The following DENND5B variants were observed in gnomAD, a reference collection of about 807,000 sequenced individuals.
The protein encoded by DENND5B is DENN domain containing 5B, also known as DENN domain-containing protein 5B.
Under a neutral mutation model 140.6 loss-of-function variants are expected in DENND5B, and 34 were observed. The ratio of observed to expected loss-of-function variants is 0.24; its 90% CI spans 0.18 to 0.32. The LOEUF is 0.32. Among genes scored for constraint, DENND5B ranks in the 10% least tolerant of loss-of-function variants. The pLI is 1.00. For missense variants in DENND5B, 1,142 were observed against 1,560.2 expected (o/e 0.73, Z 4.52); for synonymous variants, 551 against 562.1 (o/e 0.98, Z 0.28).
intron 1 of DENND5B, among the ~76,000 whole-genome samples, chr12:31,538,505 T>G (rs551692603): frequency 6.6e-6 from 1 of 152,092 alleles, no homozygotes; most frequent in Non-Finnish European, 1.5e-5. Flanking sequence ...AATAAACAAC[T>G]ATTTAATGAT....
intron 2 of DENND5B, among the ~76,000 whole-genome samples, chr12:31,486,228 G>A (rs1443863972): frequency 6.6e-6 from 1 of 152,176 alleles, no homozygotes; most frequent in Non-Finnish European, 1.5e-5. Flanking sequence ...ATAAAAGGTT[G>A]AAGGGAGCAG....
chr12:31,394,103 T>G (rs1941304143), intron 17 of DENND5B, among the ~76,000 whole-genome samples: 1 of 152,222 alleles, frequency 6.6e-6, no homozygotes. Flanking sequence ...TTGTTCCTAG[T>G]GGTTTCTTTA....
intron 8 of DENND5B, among the ~76,000 whole-genome samples, chr12:31,429,237 G>C (rs1401043986): frequency 6.6e-6 from 1 of 152,038 alleles, no homozygotes; most frequent in Non-Finnish European, 1.5e-5. Context: ...TCAAACTCCT[G>C]ACCTCGTGAT....
chr12:31,550,533 ATG>A (rs879582413), intron 1 of DENND5B, among the ~76,000 whole-genome samples: 33 of 152,056 alleles, frequency 2.2e-4, no homozygotes, highest in Non-Finnish European at 4.1e-4. Flanking sequence ...ATACGTGTGC[ATG>A]TGTCTTTATA....
At chr12:31,393,097 T>C (rs914864512) in intron 17 of DENND5B, among the ~76,000 whole-genome samples, 1 of 152,116 alleles carries the variant, frequency 6.6e-6, no homozygotes, top group African/African-American at 2.4e-5. Context: ...AGAAGCAAGG[T>C]TGAGAAGTCC....
At chr12:31,545,400 C>T (rs1948822324) in intron 1 of DENND5B, among the ~76,000 whole-genome samples, 1 of 152,108 alleles carries the variant, frequency 6.6e-6, no homozygotes, top group African/African-American at 2.4e-5. Context: ...TCTCCTCCAT[C>T]TAATAGTCCC....
At chr12:31,587,603 A>T (rs1482348801) in intron 1 of DENND5B, among the ~76,000 whole-genome samples, 1 of 127,226 alleles carries the variant, frequency 7.9e-6, no homozygotes, top group Non-Finnish European at 1.5e-5. Flanking sequence ...GCTGGAGTGC[A>T]GTGGCACGAT....
chr12:31,500,624 G>C (rs1429194927), intron 1 of DENND5B: 1 of 174,994 alleles, frequency 5.7e-6, no homozygotes. Context: ...AGGTTGTAGT[G>C]ATCTGAGATC....
At chr12:31,502,844 A>G (rs1947064134) in intron 1 of DENND5B, among the ~76,000 whole-genome samples, 1 of 152,204 alleles carries the variant, frequency 6.6e-6, no homozygotes, top group Admixed American at 6.5e-5. Context: ...TGCCTACAGA[A>G]CTGAACTAGA....
chr12:31,456,222 T>TG (rs1944769097), intron 4 of DENND5B, among the ~76,000 whole-genome samples: 1 of 150,392 alleles, frequency 6.6e-6, no homozygotes, highest in Non-Finnish European at 1.5e-5. Flanking sequence ...CCCAGCTATT[T>TG]GGGAAGTTGA....
intron 14 of DENND5B, among the ~76,000 whole-genome samples, chr12:31,404,739 C>A (rs1415880900): frequency 1.4e-5 from 2 of 144,854 alleles, no homozygotes; most frequent in African/African-American, 5.1e-5. Context: ...CAGGCATAAG[C>A]CACCGCGTCC....
intron 1 of DENND5B, among the ~76,000 whole-genome samples, chr12:31,525,340 G>A (rs954540787): frequency 6.6e-6 from 1 of 152,126 alleles, no homozygotes; most frequent in Non-Finnish European, 1.5e-5. Flanking sequence ...CTATAAAATA[G>A]AATATCTGGC....
At chr12:31,506,488 T>C (rs1452043109) in intron 1 of DENND5B, 1 of 152,142 alleles carries the variant, frequency 6.6e-6, no homozygotes, top group Non-Finnish European at 1.5e-5. Context: ...CTCAACTGAG[T>C]GTACTGCAAT....
intron 5 of DENND5B, among the ~76,000 whole-genome samples, chr12:31,449,990 CAA>C (rs2138095829): frequency 6.6e-6 from 1 of 152,236 alleles, no homozygotes; most frequent in African/African-American, 2.4e-5. Context: ...CTCAGCCTCC[CAA>C]AGTGTTGGGA....
Position 31,590,948 on chromosome 12 carries a change from C to T in DENND5B, c.-116G>A, listed in dbSNP as rs1055205029. ...CGCCCGCCCTAGGGCGACACTGGCG[C>T]GCCCATGGCCGCGCAGCCGCCTCTC... is the stretch of plus-strand genomic sequence containing the variant. On this transcript the variant is annotated 5_prime_UTR_variant, in exon 1 of 21. Transcript: ENST00000389082. 138 of 1,076,178 alleles carry T rather than the reference C, an allele frequency of 1.3e-4. 1 individual carries two copies. The Middle Eastern group carries it at 2.4e-3, about 18-fold the overall frequency. 66.7% of individuals were successfully genotyped at this position (1,076,178 alleles called of 1,614,324 possible). A position where few individuals can be genotyped will look rare whatever the true frequency, so the allele number is the denominator to read the frequency against.
At chr12:31,405,354 C>G (rs1037558459) in intron 14 of DENND5B, among the ~76,000 whole-genome samples, 1 of 151,776 alleles carries the variant, frequency 6.6e-6, no homozygotes, top group African/African-American at 2.4e-5. Context: ...GTAGCTGGGA[C>G]CAGAGGTGTG....
At chr12:31,408,182 T>A (rs1254412876) in intron 14 of DENND5B, among the ~76,000 whole-genome samples, 1 of 150,700 alleles carries the variant, frequency 6.6e-6, no homozygotes, top group Admixed American at 6.6e-5. Context: ...TATATACAGA[T>A]GTGTGATTTG....
chr12:31,438,100 C>T (rs146677625), intron 7 of DENND5B, among the ~76,000 whole-genome samples: 3,115 of 152,212 alleles, frequency 0.02, 58 homozygotes, highest in South Asian at 0.054. Flanking sequence ...CTCAGCCTCC[C>T]GAGTATCTGG....
intron 4 of DENND5B, among the ~76,000 whole-genome samples, chr12:31,456,350 T>A (rs1416375949): frequency 7.4e-6 from 1 of 135,748 alleles, no homozygotes; most frequent in African/African-American, 2.8e-5. Flanking sequence ...AAAAAAAAAA[T>A]TCCCTCAAAA....
Sources: gnomAD v4.1 joint callset for allele counts (sites outside exome capture counted in the v4.1 genomes callset) on GRCh38, gnomAD v4.1.1 for gene constraint, MANE v1.5 for transcripts, NCBI Gene and HGNC (gene_info 2026-07-23, HGNC 2026-07-21) for gene names.